The following DIAPH2 variants were observed in gnomAD, a reference collection of about 807,000 sequenced individuals.
DIAPH2 encodes the protein protein diaphanous homolog 2.
In DIAPH2, 35 loss-of-function variants were observed where a neutral mutation model predicts 92.7. That is an observed-to-expected ratio of 0.38 (90% CI 0.29 to 0.50). The LOEUF (loss-of-function observed/expected upper bound fraction) is 0.50. DIAPH2 is among the 20% of genes least tolerant of loss of function. The pLI is 0.94. For synonymous variants in DIAPH2, 301 were observed against 280.4 expected, an observed-to-expected ratio of 1.07 and a Z score of -0.73; for missense variants, 701 against 819.5, an observed-to-expected ratio of 0.86 and a Z score of 1.77.
intron 22 of DIAPH2, among the ~76,000 whole-genome samples, chrX:97,218,014 A>C (rs1164426448): frequency 4.5e-5 from 5 of 112,019 alleles, no homozygotes; most frequent in Middle Eastern, 4.6e-3. Context: ...ATTTCTTAAA[A>C]TTTAAAGCCA....
At chrX:97,506,409 C>T (rs1040810738) in intron 26 of DIAPH2, among the ~76,000 whole-genome samples, 4 of 105,868 alleles carry the variant, frequency 3.8e-5, no homozygotes, top group East Asian at 2.9e-4. Flanking sequence ...CCTTGGCCCC[C>T]GAAAGTGCTG....
intron 23 of DIAPH2, among the ~76,000 whole-genome samples, chrX:97,300,355 T>C (rs1038850727): frequency 8.9e-6 from 1 of 111,754 alleles, no homozygotes; most frequent in Non-Finnish European, 1.9e-5. Context: ...CTGGACCTCT[T>C]GTGAGAATAA....
intron 23 of DIAPH2, among the ~76,000 whole-genome samples, chrX:97,310,756 C>T (rs754146463): frequency 2.1e-4 from 24 of 111,679 alleles, no homozygotes; most frequent in Non-Finnish European, 3.9e-4. Context: ...CGACTGTAAT[C>T]TCAGCGCTTT....
intron 17 of DIAPH2, among the ~76,000 whole-genome samples, chrX:97,006,360 A>G (rs775108182): frequency 2.7e-5 from 3 of 112,093 alleles, no homozygotes; most frequent in Non-Finnish European, 5.6e-5. Context: ...AGATCTGTCC[A>G]GTGCTGAAAG....
At chrX:97,476,984 TACACACACACACACACAC>T (rs1190615516) in intron 26 of DIAPH2, among the ~76,000 whole-genome samples, 4 of 57,070 alleles carry the variant, frequency 7.0e-5, no homozygotes, top group African/African-American at 3.4e-4. Flanking sequence ...TATATATATA[TACACACACACACACACAC>T]ACACACACAC....
chrX:97,196,356 C>T (rs1186429634), intron 22 of DIAPH2, among the ~76,000 whole-genome samples: 3 of 111,962 alleles, frequency 2.7e-5, no homozygotes, highest in African/African-American at 9.7e-5. Context: ...ATGTTACTGC[C>T]TTCTTATCTG....
chrX:97,055,501 G>A (rs772354336), intron 17 of DIAPH2, among the ~76,000 whole-genome samples: 1 of 111,405 alleles, frequency 9.0e-6, no homozygotes, highest in South Asian at 3.8e-4. Flanking sequence ...ATGAGTTCAT[G>A]TTGGAGCATA....
chrX:97,348,866 A>G (rs1298966442), intron 24 of DIAPH2, among the ~76,000 whole-genome samples: 3 of 109,886 alleles, frequency 2.7e-5, no homozygotes, highest in Non-Finnish European at 5.7e-5. Context: ...GCTTTGCTAT[A>G]TAAATGCTAT....
intron 25 of DIAPH2, among the ~76,000 whole-genome samples, chrX:97,422,347 A>T (rs1437175089): frequency 5.4e-5 from 6 of 111,368 alleles, no homozygotes; most frequent in Non-Finnish European, 9.4e-5. Context: ...TGCTCTAGAA[A>T]TGTAATGTTT....
At chrX:96,761,344 G>GTT (rs147698675) in intron 4 of DIAPH2, among the ~76,000 whole-genome samples, 26 of 101,005 alleles carry the variant, frequency 2.6e-4, no homozygotes, top group Admixed American at 1.4e-3. Context: ...GGCAGCATTG[G>GTT]TTTTTTTTTT....
At chrX:96,714,158 C>T (rs2147539118) in intron 1 of DIAPH2, among the ~76,000 whole-genome samples, 1 of 110,861 alleles carries the variant, frequency 9.0e-6, no homozygotes, top group South Asian at 3.9e-4. Context: ...GACTTCTCAG[C>T]TCAGCAATCT....
At chrX:96,829,430 CAT>C (rs765718414) in intron 4 of DIAPH2, among the ~76,000 whole-genome samples, 11 of 68,292 alleles carry the variant, frequency 1.6e-4, no homozygotes, top group Admixed American at 1.2e-3. Flanking sequence ...ATAGCATTTA[CAT>C]ATATATATGT....
chrX:97,549,111 T>G (rs748560022), intron 26 of DIAPH2, among the ~76,000 whole-genome samples: 3 of 112,304 alleles, frequency 2.7e-5, no homozygotes, highest in Admixed American at 1.9e-4. Context: ...AACTTACTTT[T>G]TATTTAATTT....
chrX:97,591,345 G>T (rs745650685), intron 26 of DIAPH2, among the ~76,000 whole-genome samples: 2 of 111,908 alleles, frequency 1.8e-5, no homozygotes, highest in African/African-American at 6.5e-5. Context: ...CTAGTTGTTG[G>T]TACATTTATC....
At chrX:97,053,048 G>A (rs192693007) in intron 17 of DIAPH2, among the ~76,000 whole-genome samples, 2 of 111,426 alleles carry the variant, frequency 1.8e-5, no homozygotes, top group East Asian at 5.7e-4. Context: ...CAGGCCCCAT[G>A]AGAGATGAGC....
chrX:97,110,910 G>A (rs2066975254), intron 20 of DIAPH2, among the ~76,000 whole-genome samples: 1 of 110,562 alleles, frequency 9.0e-6, no homozygotes, highest in African/African-American at 3.3e-5. Flanking sequence ...GTGAAGCCAG[G>A]AGACAGAGGT....
intron 4 of DIAPH2, among the ~76,000 whole-genome samples, chrX:96,797,501 G>A (rs925738523): frequency 1.2e-4 from 13 of 110,971 alleles, no homozygotes; most frequent in African/African-American, 2.6e-4. Flanking sequence ...AATAAAAAGA[G>A]GTTTAATTGG....
chrX:97,333,785 G>A (rs1005347741), intron 23 of DIAPH2, among the ~76,000 whole-genome samples: 1 of 110,052 alleles, frequency 9.1e-6, no homozygotes, highest in Non-Finnish European at 1.9e-5. Context: ...GGCTGGTCTC[G>A]AACTCCTGAC....
chrX:97,469,058 T>A lies in DIAPH2; in HGVS notation c.3241+39313T>A, dbSNP rs763151533. Among the ~76,000 whole-genome samples the A allele has an allele frequency of 1.1e-4, 12 of 112,140 alleles. 1 individual carries two copies. ...GTTGTATTTATGAATCTATGTTAAT[T>A]TCTAATAATTAGAATGAATTACTTC... On this transcript the variant is annotated intron_variant, in intron 26 of 26. Coordinates refer to ENST00000324765, the MANE Select transcript of DIAPH2 (RefSeq NM_006729.5).
Sources: gnomAD v4.1 joint callset for allele counts (sites outside exome capture counted in the v4.1 genomes callset) on GRCh38, gnomAD v4.1.1 for gene constraint, MANE v1.5 for transcripts, NCBI Gene and HGNC (gene_info 2026-07-23, HGNC 2026-07-21) for gene names.